SLC66A1: variants seen among roughly 807,000 people sequenced by gnomAD.
SLC66A1 encodes solute carrier family 66 member 1.
In SLC66A1, 23 loss-of-function variants were observed where a neutral mutation model predicts 33.0. That is an observed-to-expected ratio of 0.70 (90% CI 0.50 to 0.99). The LOEUF (loss-of-function observed/expected upper bound fraction) is 0.99. Ranked by LOEUF, SLC66A1 falls within the 50% of genes least tolerant of loss-of-function variation. SLC66A1 has a pLI of 0.00. For missense variants in SLC66A1, 335 were observed against 383.6 expected (o/e 0.87, Z 1.06); for synonymous variants, 164 against 175.5 (o/e 0.93, Z 0.52).
At chr1:19,321,169 CTTTTTTTTTTT>C (rs71577887) in intron 2 of SLC66A1, among the ~76,000 whole-genome samples, 7 of 82,102 alleles carry the variant, frequency 8.5e-5, no homozygotes, top group African/African-American at 2.7e-4. Context: ...CTTATCTCTT[CTTTTTTTTTTT>C]TTTTTTTTTT....
rs2093854678 is a variant in SLC66A1, at chr1:19,324,716, C to T, written c.248C>T (p.Ser83Phe). Residue 83 changes from serine to phenylalanine, a missense_variant, in exon 3 of 8, where the codon TCC (serine) becomes TTC (phenylalanine). Transcript: ENST00000375153. ...WFLLGWIGGD[S>F]CNLIGSFLAD... Reference sequence around the variant, plus strand: ...CTCCTGGGCTGGATTGGCGGAGACTCCTGCAACCTCATCGGCTCCTTCCTT... The same window carrying T: ...CTCCTGGGCTGGATTGGCGGAGACTTCTGCAACCTCATCGGCTCCTTCCTT... 6.2e-7 allele frequency: 1 copy of T among 1,614,174 alleles called. No homozygotes were observed. The highest frequency in any genetic ancestry group is 1.1e-5 in the South Asian group (1 of 91,090).
chr1:19,320,850 C>T (rs946328150), intron 2 of SLC66A1, among the ~76,000 whole-genome samples: 1 of 149,494 alleles, frequency 6.7e-6, no homozygotes, highest in African/African-American at 2.6e-5. Flanking sequence ...GGAGCTGGGA[C>T]TACAGGCGCC....
intron 1 of SLC66A1, among the ~76,000 whole-genome samples, chr1:19,317,037 C>T (rs1390139040): frequency 1.3e-5 from 2 of 151,304 alleles, no homozygotes; most frequent in African/African-American, 2.4e-5. Flanking sequence ...TGGGGATTAC[C>T]GGCATGAGCC....
chr1:19,326,549 G>A lies in SLC66A1; in HGVS notation c.544G>A (p.Val182Ile), dbSNP rs148087532. Residue 182 changes from valine to isoleucine, a missense_variant, in exon 6 of 8, where the codon GTC becomes ATC. Transcript: ENST00000375153. The stretch of plus-strand genomic sequence containing the variant: ...CCCACAGCCCTTCACCCGGCAGGAA[G>A]TCATTGGCTTCGTCATCGGCTCCAT... ...SGSKPFTRQEVIGFVIGSISS... is the reference protein window; with the variant it reads ...SGSKPFTRQEIIGFVIGSISS... 19 of 1,614,264 alleles carry A rather than the reference G, an allele frequency of 1.2e-5. No individual in the cohort carries two copies. In the African/African-American group the frequency reaches 2.4e-4, roughly 20 times the overall value.
In SLC66A1 at chr1:19,325,646, G is replaced by C. The variant is rs989223105; in HGVS notation, c.382+64G>C. The C allele has an allele frequency of 4.9e-5, 62 of 1,272,072 alleles. 2 individuals carry two copies. Among genetic ancestry groups the C allele is most frequent in the African/African-American group, 4.8e-4 (31 of 64,326 alleles). 78.8% of individuals were successfully genotyped at this position (1,272,072 alleles called of 1,614,324 possible). A position where few individuals can be genotyped will look rare whatever the true frequency, so the allele number is the denominator to read the frequency against. ...GCAGCAGGGGGCAGTTGTGGGGGGG[G>C]GCGCCTGGAGTGTGGGAGGAAGCGG... On this transcript the variant is annotated intron_variant, in intron 4 of 7. Coordinates refer to ENST00000375153, the MANE Select transcript of SLC66A1 (RefSeq NM_001040125.2).
At position 19,321,354 on chromosome 1, in the gene SLC66A1, T is replaced by C. The variant is rs2093836499; in HGVS notation, c.165-3279T>C. On this transcript the variant is annotated intron_variant, in intron 2 of 7. Transcript: ENST00000375153. ...CTAAACCTTGCTAATTGAAATTTTT[T>C]TTTTTGGTAGAGACAAGGTCTCACT... Among the ~76,000 whole-genome samples the C allele has an allele frequency of 5.4e-5, 8 of 147,950 alleles. 2 individuals are homozygous for C. The highest frequency in any genetic ancestry group is 5.3e-4 in the Admixed American group (8 of 15,044).
intron 2 of SLC66A1, 68 bp downstream of exon 2, chr1:19,317,909 C>A: frequency 6.4e-7 from 1 of 1,563,414 alleles, no homozygotes; most frequent in South Asian, 1.2e-5. Context: ...CCAGCTACTG[C>A]TCAGCGAGGG....
chr1:19,320,707 A>G (rs138171442), intron 2 of SLC66A1, among the ~76,000 whole-genome samples: 3,579 of 146,730 alleles, frequency 0.024, 125 homozygotes, highest in African/African-American at 0.037. Flanking sequence ...GAGCCACCGC[A>G]CCTGGCCTCA....
intron 4 of SLC66A1, 42 bp downstream of exon 4, chr1:19,325,624 G>T: frequency 7.8e-7 from 1 of 1,281,824 alleles, no homozygotes; most frequent in Admixed American, 2.0e-5. Flanking sequence ...TCTACCAGCA[G>T]CAGGGGGCAG....
At chr1:19,315,599 G>A (rs1297334140) in intron 1 of SLC66A1, among the ~76,000 whole-genome samples, 1 of 152,238 alleles carries the variant, frequency 6.6e-6, no homozygotes, top group Non-Finnish European at 1.5e-5. Context: ...AAGTGGGAAT[G>A]AAGGCAGCTA....
intron 4 of SLC66A1, 49 bp downstream of exon 4, chr1:19,325,631 GCA>G: frequency 3.8e-6 from 4 of 1,063,684 alleles, no homozygotes; most frequent in South Asian, 1.3e-5. Context: ...GCAGCAGGGG[GCA>G]GTTGTGGGGG....
chr1:19,314,790 G>T (rs2093796224), intron 1 of SLC66A1, among the ~76,000 whole-genome samples: 1 of 152,218 alleles, frequency 6.6e-6, no homozygotes, highest in Admixed American at 6.5e-5. Context: ...TCTGCAAGGG[G>T]GTGTGGGGGT....
At chr1:19,329,809 C>T (rs2093887578), downstream of SLC66A1, among the ~76,000 whole-genome samples, 1 of 152,032 alleles carries the variant, frequency 6.6e-6, no homozygotes, top group African/African-American at 2.4e-5. Context: ...GGGAGAGCCT[C>T]CTGGAGGAGG....
In SLC66A1 at chr1:19,328,226, T is replaced by G; in HGVS notation, c.805-346T>G. ...CGCAGGGAGGGGTGAAAGTTTAGGC[T>G]CTTGTGCCCCAAAACGGCCCAGCCA... On this transcript the variant is annotated intron_variant, in intron 7 of 7. Coordinates refer to ENST00000375153, the MANE Select transcript of SLC66A1 (RefSeq NM_001040125.2). This position sits in a 1 kb window ranked among gnomAD's most constrained non-coding sequence, Gnocchi z 4.7. 1 of 450,850 alleles carries G rather than the reference T, an allele frequency of 2.2e-6. No homozygotes were observed. Among genetic ancestry groups the G allele is most frequent in the Non-Finnish European group, 4.1e-6 (1 of 246,552 alleles). The allele number at this position is 450,850 out of a possible 1,614,324, so 27.9% of individuals were successfully genotyped here. A position where few individuals can be genotyped will look rare whatever the true frequency, so the allele number is the denominator to read the frequency against.
intron 4 of SLC66A1, 56 bp downstream of exon 4, chr1:19,325,638 T>TGGGG (rs1294675966): frequency 2.5e-5 from 21 of 826,722 alleles, no homozygotes; most frequent in African/African-American, 5.8e-5. Context: ...GGGGCAGTTG[T>TGGGG]GGGGGGGGGC....
At chr1:19,330,096 A>T (rs1174256223), downstream of SLC66A1, among the ~76,000 whole-genome samples, 1 of 152,078 alleles carries the variant, frequency 6.6e-6, no homozygotes, top group East Asian at 1.9e-4. Context: ...CCTCCCGAGG[A>T]GCTGGGACTA....
intron 1 of SLC66A1, among the ~76,000 whole-genome samples, chr1:19,313,502 C>A (rs1381301294): frequency 6.6e-6 from 1 of 152,164 alleles, no homozygotes; most frequent in Non-Finnish European, 1.5e-5. Context: ...ACGGTGGTAG[C>A]GTTCTTCAGG....
downstream of SLC66A1, among the ~76,000 whole-genome samples, chr1:19,332,626 A>G (rs2093895586): frequency 6.6e-6 from 1 of 152,198 alleles, no homozygotes; most frequent in African/African-American, 2.4e-5. Context: ...AAAAATTACA[A>G]TAAAGGCGAA....
In SLC66A1 at chr1:19,326,694, CT is replaced by C. The variant is rs546092100; in HGVS notation, c.618+72del. On this transcript the variant is annotated intron_variant, in intron 6 of 7. Transcript: ENST00000375153. ...GGCCTGGCCACCCGGGCCCTCTGGG[CT>C]AAGGAGTAGCACAGCATAGGAGCCT... The C allele has an allele frequency of 4.5e-4, 671 of 1,491,064 alleles. 5 individuals carry two copies. In the African/African-American group the frequency reaches 8.6e-3, roughly 19 times the overall value. 92.4% of individuals were successfully genotyped at this position (1,491,064 alleles called of 1,614,324 possible). A position where few individuals can be genotyped will look rare whatever the true frequency, so the allele number is the denominator to read the frequency against.
Sources: gnomAD v4.1 joint callset for allele counts (sites outside exome capture counted in the v4.1 genomes callset) on GRCh38, gnomAD v4.1.1 for gene constraint, Gnocchi (gnomAD v3.1) non-coding constraint, MANE v1.5 for transcripts, NCBI Gene and HGNC (gene_info 2026-07-23, HGNC 2026-07-21) for gene names.